Variants in TBC1D4 observed in about 807,000 individuals in gnomAD.
TBC1D4 encodes the protein TBC (Tre-2, BUB2, CDC16) domain-containing protein.
A neutral mutation model predicts 142.5 loss-of-function variants in TBC1D4; 121 were observed. The ratio of observed to expected loss-of-function variants is 0.85; its 90% CI spans 0.73 to 0.99. The LOEUF is 0.99. Among genes scored for constraint, TBC1D4 ranks in the 50% least tolerant of loss-of-function variants. TBC1D4 has a pLI of 0.00. For synonymous variants in TBC1D4, 630 were observed against 628.2 expected, an observed-to-expected ratio of 1.00 and a Z score of -0.04; for missense variants, 1,475 against 1,606.6, an observed-to-expected ratio of 0.92 and a Z score of 1.40.
chr13:75,298,544 A>G (rs1021607430), intron 17 of TBC1D4, among the ~76,000 whole-genome samples: 1 of 152,202 alleles, frequency 6.6e-6, no homozygotes, highest in Non-Finnish European at 1.5e-5. Context: ...TGAGGTCAGG[A>G]GTTCAACACC....
intron 14 of TBC1D4, among the ~76,000 whole-genome samples, chr13:75,306,745 T>C (rs2137913336): frequency 6.6e-6 from 1 of 152,288 alleles, no homozygotes; most frequent in African/African-American, 2.4e-5. Context: ...AAGTAAACCG[T>C]GTTGATCATT....
intron 1 of TBC1D4, among the ~76,000 whole-genome samples, chr13:75,405,615 C>T (rs1885302853): frequency 6.6e-6 from 1 of 152,076 alleles, no homozygotes; most frequent in Non-Finnish European, 1.5e-5. Context: ...TCTATAACTT[C>T]CTGAAAGGAT....
rs1469747282 is a variant in TBC1D4, at chr13:75,299,379, T to C, written c.3107A>G (p.Tyr1036Cys). The C allele has an allele frequency of 1.2e-5, 20 of 1,614,080 alleles. No homozygotes were observed. Among genetic ancestry groups the C allele is most frequent in the Non-Finnish European group, 1.7e-5 (20 of 1,180,040 alleles). ...GTACTGCTTGCGGAAGCCGAGGTCA[T>C]ACATGAGGAATTTCAGCATTTCAAA... ...QAFEMLKFLM[Y>C]DLGFRKQYRP... Residue 1036 changes from tyrosine to cysteine, a missense_variant, in exon 17 of 21, where the codon TAT becomes TGT. Physicochemically the swap from Tyr to Cys is radical, Grantham distance 194. Around this residue, in one of 2 missense-constraint regions of TBC1D4, gnomAD observed 248 missense variants for 338.9 expected, o/e 0.73. Coordinates refer to ENST00000377636, the MANE Select transcript of TBC1D4 (RefSeq NM_014832.5).
At chr13:75,294,469 G>A (rs1163825174) in intron 18 of TBC1D4, among the ~76,000 whole-genome samples, 1 of 152,222 alleles carries the variant, frequency 6.6e-6, no homozygotes, top group Non-Finnish European at 1.5e-5. Flanking sequence ...ATATTTCTCT[G>A]TGTTTTGAAT....
At chr13:75,328,693 C>A (rs560388453) in intron 8 of TBC1D4, among the ~76,000 whole-genome samples, 13 of 152,246 alleles carry the variant, frequency 8.5e-5, no homozygotes, top group African/African-American at 3.1e-4. Flanking sequence ...AGTGGAAACA[C>A]CAGTCAGATC....
rs1347334780 is a variant in TBC1D4 at position 75,384,605 on chromosome 13, G to A, written c.499-21998C>T. On this transcript the variant is annotated intron_variant, in intron 1 of 20. Transcript: ENST00000377636. ...TAAAAAAAAAAAAAAGGTTGCCACC[G>A]CAAAATACAGGAATATGAGCCCAAA... Among the ~76,000 whole-genome samples the A allele has an allele frequency of 2.7e-5, 4 of 147,548 alleles. No homozygotes were observed. The East Asian group carries it at 6.0e-4, about 22-fold the overall frequency.
In TBC1D4 at chr13:75,284,498, T is replaced by A. The variant is rs1014741235; in HGVS notation, c.*2294A>T. On this transcript the variant is annotated 3_prime_UTR_variant, in exon 21 of 21. Coordinates refer to ENST00000377636, the MANE Select transcript of TBC1D4 (RefSeq NM_014832.5). ...GGTTTGCGCTCCTATGAGAATCTAA[T>A]GCCGTGGCTGATCTGACAGGAGTCA... 2.0e-5 allele frequency among the ~76,000 whole-genome samples: 3 copies of A among 152,186 alleles called. No homozygotes were observed. The highest frequency in any genetic ancestry group is 4.4e-5 in the Non-Finnish European group (3 of 68,036).
intron 19 of TBC1D4, 135 bp from the exon 20 acceptor site, chr13:75,289,245 A>G: frequency 4.1e-6 from 4 of 981,110 alleles, no homozygotes; most frequent in Non-Finnish European, 6.2e-6. Flanking sequence ...AAAGCAAAAA[A>G]AAAGTGTAAC....
intron 1 of TBC1D4, among the ~76,000 whole-genome samples, chr13:75,374,443 A>C (rs1219521193): frequency 6.6e-6 from 1 of 152,172 alleles, no homozygotes; most frequent in Non-Finnish European, 1.5e-5. Context: ...TCACCTTAGA[A>C]TTTCAAGTAG....
chr13:75,300,312 G>T (rs993545521), intron 16 of TBC1D4, among the ~76,000 whole-genome samples: 1 of 151,880 alleles, frequency 6.6e-6, no homozygotes, highest in African/African-American at 2.4e-5. Context: ...TGTGAGTCCT[G>T]CATCACTAAA....
intron 13 of TBC1D4, 30 bp downstream of exon 13, chr13:75,312,708 G>C: frequency 6.2e-7 from 1 of 1,614,008 alleles, no homozygotes; most frequent in Non-Finnish European, 8.5e-7. Context: ...CACTCAGAGG[G>C]ATAAATTCCT....
intron 1 of TBC1D4, among the ~76,000 whole-genome samples, chr13:75,449,259 T>C: frequency 6.6e-6 from 1 of 152,012 alleles, no homozygotes; most frequent in East Asian, 1.9e-4. Flanking sequence ...TGTGTATATA[T>C]ATGTATACAC....
At chr13:75,396,295 T>C (rs996963463) in intron 1 of TBC1D4, among the ~76,000 whole-genome samples, 1 of 152,186 alleles carries the variant, frequency 6.6e-6, no homozygotes, top group Non-Finnish European at 1.5e-5. Flanking sequence ...CTTTATTGTC[T>C]CAGCAGCTGT....
At chr13:75,302,557 C>T in intron 15 of TBC1D4, 156 bp from the exon 16 acceptor site, 9 of 831,018 alleles carry the variant, frequency 1.1e-5, no homozygotes, top group Non-Finnish European at 1.8e-5. Context: ...CATATTTTGA[C>T]AAGCTGAATC....
intron 1 of TBC1D4, among the ~76,000 whole-genome samples, chr13:75,382,021 T>G (rs144022233): frequency 2.5e-4 from 38 of 152,302 alleles, no homozygotes; most frequent in East Asian, 2.3e-3. Flanking sequence ...GGGAGGCTGA[T>G]TCAGTAAAAG....
intron 1 of TBC1D4, among the ~76,000 whole-genome samples, chr13:75,372,295 G>A (rs1351146905): frequency 6.8e-6 from 1 of 146,806 alleles, no homozygotes; most frequent in Non-Finnish European, 1.5e-5. Flanking sequence ...TTGAGACCAA[G>A]TCTCTCTCTG....
At chr13:75,453,693 C>T (rs569162647) in intron 1 of TBC1D4, among the ~76,000 whole-genome samples, 69 of 152,186 alleles carry the variant, frequency 4.5e-4, no homozygotes, top group African/African-American at 1.4e-3. Context: ...AAAACCCCGT[C>T]TCTACTAAAA....
chr13:75,448,263 G>A (rs2138227670), intron 1 of TBC1D4, among the ~76,000 whole-genome samples: 1 of 152,250 alleles, frequency 6.6e-6, no homozygotes, highest in South Asian at 2.1e-4. Flanking sequence ...CAAGTTGGAT[G>A]CAGTGTTTTT....
rs538976905 is a variant in TBC1D4, at chr13:75,470,967, C to T, written c.498+10303G>A. ...CGCCACTGCACTCCAGCCCAGGTGA[C>T]AAAGTGAGCCCCTGTATCAAAAAAA... On this transcript the variant is annotated intron_variant, in intron 1 of 20. Coordinates refer to ENST00000377636, the MANE Select transcript of TBC1D4 (RefSeq NM_014832.5). 2.1e-5 allele frequency among the ~76,000 whole-genome samples: 3 copies of T among 145,960 alleles called. No individual in the cohort carries two copies. In the Admixed American group the frequency reaches 2.1e-4, roughly 10 times the overall value.
Sources: gnomAD v4.1 joint callset for allele counts (sites outside exome capture counted in the v4.1 genomes callset) on GRCh38, gnomAD v4.1.1 for gene constraint, gnomAD v4.1.1 regional missense constraint, MANE v1.5 for transcripts, NCBI Gene and HGNC (gene_info 2026-07-23, HGNC 2026-07-21) for gene names.